The following DIAPH2 variants were observed in gnomAD, a reference collection of about 807,000 sequenced individuals.
DIAPH2 encodes the protein diaphanous related formin 2, also known as protein diaphanous homolog 2.
A neutral mutation model predicts 92.7 loss-of-function variants in DIAPH2; 35 were observed. The ratio of observed to expected loss-of-function variants is 0.38; its 90% CI spans 0.29 to 0.50. The LOEUF (loss-of-function observed/expected upper bound fraction) is 0.50, where lower values mean the gene tolerates loss of function less well. DIAPH2 is among the 20% of genes least tolerant of loss of function. DIAPH2 has a pLI of 0.94. For synonymous variants in DIAPH2, 301 were observed against 280.4 expected (o/e 1.07, Z -0.73); for missense variants, 701 against 819.5 (o/e 0.86, Z 1.77).
chrX:97,296,844 C>T (rs758284906), intron 23 of DIAPH2, among the ~76,000 whole-genome samples: 167 of 104,971 alleles, frequency 1.6e-3, no homozygotes, highest in African/African-American at 5.5e-3. Context: ...GTGGCATGAT[C>T]GCGGCTCACC....
intron 26 of DIAPH2, among the ~76,000 whole-genome samples, chrX:97,548,730 C>G (rs1003249637): frequency 1.8e-5 from 2 of 112,149 alleles, no homozygotes; most frequent in Non-Finnish European, 3.8e-5. Context: ...TAAAAATTAT[C>G]TGTAAAAAGT....
chrX:97,373,313 A>C (rs917874168), intron 24 of DIAPH2, among the ~76,000 whole-genome samples: 1 of 110,352 alleles, frequency 9.1e-6, no homozygotes, highest in Non-Finnish European at 1.9e-5. Flanking sequence ...GATTTTCTAC[A>C]ATAAAGAAAT....
chrX:96,763,199 A>G lies in DIAPH2; in HGVS notation c.447+4941A>G, dbSNP rs766818750. ...TTGTGATTTTTGCTTGTAGTATTTT[A>G]TATGTTTGGTTCTTTTGGTATATAT... On this transcript the variant is annotated intron_variant, in intron 4 of 26. Coordinates refer to ENST00000324765, the MANE Select transcript of DIAPH2 (RefSeq NM_006729.5). 3.9e-4 allele frequency: 280 copies of G among 715,873 alleles called. 1 individual carries two copies. Among genetic ancestry groups the G allele is most frequent in the Admixed American group, 1.4e-4 (4 of 29,430 alleles). The allele number at this position is 715,873 out of a possible 1,213,427, so 59.0% of individuals were successfully genotyped here. A position where few individuals can be genotyped will look rare whatever the true frequency, so the allele number is the denominator to read the frequency against.
intron 23 of DIAPH2, among the ~76,000 whole-genome samples, chrX:97,282,435 G>C (rs1227426311): frequency 9.0e-6 from 1 of 111,032 alleles, no homozygotes; most frequent in Non-Finnish European, 1.9e-5. Context: ...TCAGCCTCCC[G>C]AGTAGCTGGG....
chrX:97,346,537 G>A (rs1436467793), intron 23 of DIAPH2, among the ~76,000 whole-genome samples: 1 of 111,025 alleles, frequency 9.0e-6, no homozygotes, highest in Non-Finnish European at 1.9e-5. Flanking sequence ...TAAAACAAAA[G>A]ACAGATTAAC....
chrX:96,700,280 AG>A (rs2063847847), intron 1 of DIAPH2, among the ~76,000 whole-genome samples: 1 of 112,438 alleles, frequency 8.9e-6, no homozygotes, highest in Non-Finnish European at 1.9e-5. Flanking sequence ...AAGTGATTAC[AG>A]GCCTGAGCCA....
chrX:97,418,432 A>G (rs5921817), intron 25 of DIAPH2, among the ~76,000 whole-genome samples: 294 of 111,804 alleles, frequency 2.6e-3, no homozygotes, highest in Middle Eastern at 9.1e-3. Context: ...CTTGTGTTAC[A>G]GTTACCTGAC....
At chrX:97,525,951 G>GT (rs1407186258) in intron 26 of DIAPH2, among the ~76,000 whole-genome samples, 8 of 112,057 alleles carry the variant, frequency 7.1e-5, no homozygotes, top group Non-Finnish European at 1.3e-4. Flanking sequence ...TGCCGCTTGA[G>GT]TGTGAACTTA....
intron 23 of DIAPH2, among the ~76,000 whole-genome samples, chrX:97,258,870 C>CAAAAAAA (rs141981932): frequency 7.7e-5 from 3 of 39,053 alleles, no homozygotes; most frequent in African/African-American, 3.6e-4. Context: ...GACTCCGTCT[C>CAAAAAAA]AAAAAAAAAA....
chrX:96,925,265 C>T (rs950615113), intron 9 of DIAPH2, among the ~76,000 whole-genome samples: 23 of 110,692 alleles, frequency 2.1e-4, no homozygotes, highest in Non-Finnish European at 3.8e-5. Flanking sequence ...AAATCCTTCT[C>T]CCTACTCTAA....
At chrX:96,708,693 C>A (rs1254036325) in intron 1 of DIAPH2, among the ~76,000 whole-genome samples, 1 of 112,366 alleles carries the variant, frequency 8.9e-6, no homozygotes, top group Non-Finnish European at 1.9e-5. Flanking sequence ...TTATTAACAT[C>A]CATTAATTGC....
At chrX:96,778,143 T>A (rs1362312433) in intron 4 of DIAPH2, among the ~76,000 whole-genome samples, 1 of 107,569 alleles carries the variant, frequency 9.3e-6, no homozygotes, top group East Asian at 2.9e-4. Flanking sequence ...TCTGGTTTTT[T>A]GTCCTTGCGA....
intron 19 of DIAPH2, among the ~76,000 whole-genome samples, chrX:97,087,885 A>G (rs1259386571): frequency 3.6e-5 from 4 of 110,262 alleles, no homozygotes; most frequent in African/African-American, 1.3e-4. Context: ...AATTTTTTTC[A>G]TCCCCTCTCT....
chrX:97,454,229 G>A (rs1720273229), intron 26 of DIAPH2, among the ~76,000 whole-genome samples: 1 of 111,201 alleles, frequency 9.0e-6, no homozygotes, highest in Admixed American at 9.6e-5. Flanking sequence ...TACCAGGATT[G>A]AGAGGTAGAC....
At chrX:96,802,423 C>T (rs2064589749) in intron 4 of DIAPH2, among the ~76,000 whole-genome samples, 1 of 112,164 alleles carries the variant, frequency 8.9e-6, no homozygotes, top group Non-Finnish European at 1.9e-5. Context: ...GTTTGCCATA[C>T]ATGCAATAAA....
intron 22 of DIAPH2, among the ~76,000 whole-genome samples, chrX:97,205,770 GA>G (rs1405623891): frequency 9.0e-6 from 1 of 111,399 alleles, no homozygotes; most frequent in East Asian, 2.8e-4. Context: ...TCCAGAACCA[GA>G]AATACCATTT....
At chrX:97,300,394 G>C (rs1162122738) in intron 23 of DIAPH2, among the ~76,000 whole-genome samples, 8 of 110,907 alleles carry the variant, frequency 7.2e-5, no homozygotes, top group Non-Finnish European at 1.1e-4. Context: ...CATATATTTT[G>C]TTATCAGTGA....
chrX:97,037,121 G>A (rs1426582382), intron 17 of DIAPH2, among the ~76,000 whole-genome samples: 1 of 111,496 alleles, frequency 9.0e-6, no homozygotes, highest in Non-Finnish European at 1.9e-5. Flanking sequence ...ACAATTGAAT[G>A]TATACCTCAT....
At chrX:97,393,741 A>G in intron 25 of DIAPH2, among the ~76,000 whole-genome samples, 1 of 112,232 alleles carries the variant, frequency 8.9e-6, no homozygotes, top group East Asian at 2.8e-4. Flanking sequence ...CAGCAAATTA[A>G]CTGCAAAATC....
Sources: allele counts gnomAD v4.1 joint callset (sites outside exome capture counted in the v4.1 genomes callset), GRCh38; gene constraint gnomAD v4.1.1; transcripts MANE v1.5; gene names NCBI Gene and HGNC (gene_info 2026-07-23, HGNC 2026-07-21).